SH3D19: variants seen among roughly 807,000 people sequenced by gnomAD.
SH3D19 encodes SH3 domain-containing protein 19.
SH3D19 carries 58 observed loss-of-function variants against 112.1 expected under a neutral mutation model. That is an observed-to-expected ratio of 0.52 (90% CI 0.42 to 0.64). The LOEUF is 0.64. Ranked by LOEUF, SH3D19 falls within the 30% of genes least tolerant of loss-of-function variation. The pLI is 0.00. For synonymous variants in SH3D19, 391 were observed against 448.5 expected, an observed-to-expected ratio of 0.87 and a Z score of 1.62; for missense variants, 1,090 against 1,263.4, an observed-to-expected ratio of 0.86 and a Z score of 2.08.
intron 1 of SH3D19, among the ~76,000 whole-genome samples, chr4:151,289,610 T>A (rs999092391): frequency 6.6e-6 from 1 of 152,202 alleles, no homozygotes; most frequent in Middle Eastern, 3.2e-3. Context: ...TATAAAGATA[T>A]GCAAATGTAG....
At chr4:151,174,030 T>C (rs1759505230) in intron 7 of SH3D19, among the ~76,000 whole-genome samples, 1 of 152,246 alleles carries the variant, frequency 6.6e-6, no homozygotes, top group African/African-American at 2.4e-5. Flanking sequence ...GGCAGCTAAC[T>C]TGTATCTGTT....
chr4:151,237,634 C>T (rs1770229891), intron 1 of SH3D19, among the ~76,000 whole-genome samples: 1 of 152,128 alleles, frequency 6.6e-6, no homozygotes, highest in Non-Finnish European at 1.5e-5. Flanking sequence ...TAGCAATACT[C>T]ATCTCATCAA....
In SH3D19 at chr4:151,127,605, T is replaced by C. The variant is rs1319023462; in HGVS notation, c.3027+13A>G. The C allele has an allele frequency of 1.3e-6, 2 of 1,519,308 alleles. No individual in the cohort carries two copies. Among genetic ancestry groups the C allele is most frequent in the Admixed American group, 2.0e-5 (1 of 49,950 alleles). 94.1% of individuals were successfully genotyped at this position (1,519,308 alleles called of 1,614,324 possible). A position where few individuals can be genotyped will look rare whatever the true frequency, so the allele number is the denominator to read the frequency against. Reference sequence around the variant, plus strand: ...AGTGCTTAATGCAGTTATGAAGAGATACACATTCTGACCTTGAAGGAAAGT... The same window carrying C: ...AGTGCTTAATGCAGTTATGAAGAGACACACATTCTGACCTTGAAGGAAAGT... On this transcript the variant is annotated intron_variant, in intron 19 of 19. Transcript: ENST00000604030.
chr4:151,255,810 C>T (rs879443119), intron 1 of SH3D19, among the ~76,000 whole-genome samples: 4 of 152,228 alleles, frequency 2.6e-5, no homozygotes, highest in Admixed American at 2.0e-4. Context: ...GGATCACTTG[C>T]GGTTAGGGGC....
chr4:151,280,174 A>AT (rs1426249937), intron 1 of SH3D19, among the ~76,000 whole-genome samples: 1 of 70,934 alleles, frequency 1.4e-5, no homozygotes, highest in Non-Finnish European at 4.1e-5. Flanking sequence ...GACTTTTCTT[A>AT]TTTTTTGCCA....
chr4:151,263,372 A>G (rs1246457653), intron 1 of SH3D19, among the ~76,000 whole-genome samples: 1 of 152,212 alleles, frequency 6.6e-6, no homozygotes, highest in Non-Finnish European at 1.5e-5. Flanking sequence ...CTGGGATTAG[A>G]CTGGATTCTG....
At chr4:151,313,031 C>A (rs1192335924) in intron 1 of SH3D19, among the ~76,000 whole-genome samples, 1 of 149,980 alleles carries the variant, frequency 6.7e-6, no homozygotes, top group Non-Finnish European at 1.5e-5. Flanking sequence ...GGAGGTTGCA[C>A]TGAGCCGGGA....
At chr4:151,209,560 G>T (rs920524383) in intron 2 of SH3D19, among the ~76,000 whole-genome samples, 1 of 152,164 alleles carries the variant, frequency 6.6e-6, no homozygotes, top group African/African-American at 2.4e-5. Context: ...GATTACAGGC[G>T]TGAGCCACTG....
At position 151,175,021 on chromosome 4, in the gene SH3D19, C is replaced by G. The variant is rs1433101461; in HGVS notation, c.1183G>C (p.Val395Leu). ...CCTCTTCCCGGAATCTCAGGATTAA[C>G]ACTTCGTATAAGGCCAGGGTTTGGT... is the stretch of plus-strand genomic sequence containing the variant. ...KKPNPGLIRS[V>L]NPEIPGRGPL... Residue 395 changes from valine (V) to leucine (L), a missense_variant, in exon 7 of 20, where the codon GTT (valine) becomes CTT (leucine). Physicochemically the swap from Val to Leu is conservative, Grantham distance 32. Coordinates refer to ENST00000604030, the MANE Select transcript of SH3D19 (RefSeq NM_001378122.1). The G allele has an allele frequency of 1.2e-6, 2 of 1,614,194 alleles. No individual in the cohort carries two copies.
chr4:151,308,697 C>G (rs1021948812), intron 1 of SH3D19, among the ~76,000 whole-genome samples: 3 of 152,118 alleles, frequency 2.0e-5, no homozygotes, highest in African/African-American at 7.2e-5. Flanking sequence ...TTATTTAGTA[C>G]CTTAGAAGCC....
At chr4:151,177,928 GTAAT>G (rs1206091357) in intron 4 of SH3D19, among the ~76,000 whole-genome samples, 3 of 152,090 alleles carry the variant, frequency 2.0e-5, no homozygotes. Context: ...CATGTTTAAA[GTAAT>G]TAATTGATTT....
rs955809152 is a variant in SH3D19 at position 151,278,629 on chromosome 4, C to T, written c.112+46612G>A. The stretch of plus-strand genomic sequence containing the variant: ...TCCTTCTGCCCTGCCTATCTCACCA[C>T]ATTTTTTTCCTTTTCTTTTCAGACA... On this transcript the variant is annotated intron_variant, in intron 1 of 19. Coordinates refer to ENST00000604030, the MANE Select transcript of SH3D19 (RefSeq NM_001378122.1). Among the ~76,000 whole-genome samples, 4 of 151,864 alleles carry T rather than the reference C, an allele frequency of 2.6e-5. No homozygotes were observed. The East Asian group carries it at 5.8e-4, about 22-fold the overall frequency.
intron 2 of SH3D19, among the ~76,000 whole-genome samples, chr4:151,198,274 C>T (rs894345975): frequency 3.5e-5 from 5 of 144,898 alleles, no homozygotes; most frequent in Non-Finnish European, 6.0e-5. Flanking sequence ...CACTGCACTC[C>T]AGCATGGGTG....
At chr4:151,180,411 C>CTTTTTTTTTTTTTTTTTTTT (rs367719721) in intron 3 of SH3D19, among the ~76,000 whole-genome samples, 1 of 130,768 alleles carries the variant, frequency 7.6e-6, no homozygotes, top group Non-Finnish European at 1.6e-5. Flanking sequence ...ATTTTTTTTT[C>CTTTTTTTTTTTTTTTTTTTT]TTTTTTTTTT....
chr4:151,143,986 T>A lies in SH3D19; in HGVS notation c.2147A>T (p.Glu716Val). The change falls in exon 12 of 20, where the codon GAA (glutamate) becomes GTA (valine). Residue 716 changes from glutamate to valine, a missense_variant. Coordinates refer to ENST00000604030, the MANE Select transcript of SH3D19 (RefSeq NM_001378122.1). ...AGACAGGTGAACTCTGCCAGTGTCT[T>A]CTCCCTTTTGGCACTCCAAGTAATT... Reference protein sequence around the residue: ...ENNYLECQKGEDTGRVHLSQM... With the variant: ...ENNYLECQKGVDTGRVHLSQM... 6.2e-7 allele frequency: 1 copy of A among 1,614,120 alleles called. No individual in the cohort carries two copies. The highest frequency in any genetic ancestry group is 1.1e-5 in the South Asian group (1 of 91,076).
intron 1 of SH3D19, among the ~76,000 whole-genome samples, chr4:151,288,608 G>A (rs765987944): frequency 6.6e-5 from 10 of 151,682 alleles, no homozygotes; most frequent in Non-Finnish European, 1.2e-4. Flanking sequence ...CTTGCTGGGC[G>A]TAGTGAGCTG....
At chr4:151,281,489 GA>G (rs1168368126) in intron 1 of SH3D19, among the ~76,000 whole-genome samples, 7 of 152,128 alleles carry the variant, frequency 4.6e-5, no homozygotes, top group Non-Finnish European at 8.8e-5. Context: ...CGATGTGTAA[GA>G]AAGCTCAATC....
intron 12 of SH3D19, among the ~76,000 whole-genome samples, chr4:151,142,139 G>C (rs1034349539): frequency 6.6e-6 from 1 of 152,178 alleles, no homozygotes; most frequent in Admixed American, 6.5e-5. Context: ...GTAATATTAA[G>C]AATAGCTAAT....
intron 1 of SH3D19, among the ~76,000 whole-genome samples, chr4:151,293,894 G>GC (rs966434686): frequency 4.1e-4 from 62 of 152,206 alleles, no homozygotes; most frequent in Middle Eastern, 3.4e-3. Context: ...CCAGACTTCT[G>GC]CATCTACTAT....
Sources: allele counts gnomAD v4.1 joint callset (sites outside exome capture counted in the v4.1 genomes callset), GRCh38; gene constraint gnomAD v4.1.1; transcripts MANE v1.5; gene names NCBI Gene and HGNC (gene_info 2026-07-23, HGNC 2026-07-21).